AFF3: variants seen among roughly 807,000 people sequenced by gnomAD.
The protein encoded by AFF3 is AF4/FMR2 family member 3.
Under a neutral mutation model 129.7 loss-of-function variants are expected in AFF3, and 32 were observed. That is an observed-to-expected ratio of 0.25 (90% CI 0.19 to 0.33). The LOEUF is 0.33. Among genes scored for constraint, AFF3 ranks in the 10% least tolerant of loss-of-function variants. AFF3 has a pLI of 1.00. For missense variants in AFF3, 1,373 were observed against 1,592.0 expected (o/e 0.86, Z 2.34); for synonymous variants, 644 against 635.4 (o/e 1.01, Z -0.20).
chr2:99,912,544 T>C (rs567985112), intron 7 of AFF3, among the ~76,000 whole-genome samples: 1 of 152,328 alleles, frequency 6.6e-6, no homozygotes, highest in South Asian at 2.1e-4. Context: ...TGCAGTGATT[T>C]CAAAAGGTCC....
chr2:100,017,972 A>T (rs915211692), intron 4 of AFF3, among the ~76,000 whole-genome samples: 1 of 151,854 alleles, frequency 6.6e-6, no homozygotes, highest in Non-Finnish European at 1.5e-5. Flanking sequence ...TGCCTGTTTC[A>T]GTTCATTCTT....
intron 7 of AFF3, among the ~76,000 whole-genome samples, chr2:99,848,505 T>C (rs12475320): frequency 0.17 from 25,233 of 152,062 alleles, 2,219 homozygotes; most frequent in Admixed American, 0.24. Flanking sequence ...GAGTATAGAA[T>C]TGATCATAAA....
chr2:100,050,637 C>A lies in AFF3; in HGVS notation c.54-41705G>T, dbSNP rs145033316. 7.5e-3 allele frequency among the ~76,000 whole-genome samples: 1,149 copies of A among 152,298 alleles called. 18 individuals carry two copies. Among genetic ancestry groups the A allele is most frequent in the African/African-American group, 0.026 (1,098 of 41,556 alleles). On this transcript the variant is annotated intron_variant, in intron 4 of 24. Transcript: ENST00000672756. ...ATAAGGTCCACTACACAGCACTGTG[C>A]ACAAGTGTGCAAAAACACACTTTCT...
At chr2:99,716,165 G>C (rs1678363784) in intron 11 of AFF3, among the ~76,000 whole-genome samples, 1 of 152,136 alleles carries the variant, frequency 6.6e-6, no homozygotes, top group Admixed American at 6.6e-5. Context: ...GGCCTTCATG[G>C]AATCTTGGAA....
chr2:99,687,818 T>G (rs1029260953), intron 11 of AFF3, among the ~76,000 whole-genome samples: 1 of 152,218 alleles, frequency 6.6e-6, no homozygotes, highest in Admixed American at 6.5e-5. Flanking sequence ...GATACCTTTG[T>G]CACAATGAAT....
At chr2:99,644,598 G>A (rs1015475144) in intron 13 of AFF3, among the ~76,000 whole-genome samples, 4 of 152,172 alleles carry the variant, frequency 2.6e-5, no homozygotes, top group Admixed American at 2.6e-4. Flanking sequence ...TCTTAGTCCT[G>A]GCAATTGCCT....
At chr2:99,963,970 C>T (rs1055176623) in intron 7 of AFF3, among the ~76,000 whole-genome samples, 33 of 151,790 alleles carry the variant, frequency 2.2e-4, no homozygotes, top group African/African-American at 7.5e-4. Flanking sequence ...GCAGAAATGG[C>T]TATATTAATA....
At chr2:99,765,721 G>T (rs1207566214) in intron 8 of AFF3, among the ~76,000 whole-genome samples, 1 of 152,186 alleles carries the variant, frequency 6.6e-6, no homozygotes. Flanking sequence ...GGTGAGGAAA[G>T]GGGATAAATA....
chr2:99,858,616 G>A (rs934040907), intron 7 of AFF3, among the ~76,000 whole-genome samples: 10 of 152,106 alleles, frequency 6.6e-5, no homozygotes, highest in Non-Finnish European at 1.5e-5. Context: ...GGATGGGGCT[G>A]GAGGCCATTA....
At chr2:99,903,385 ACAGG>A (rs2106155995) in intron 7 of AFF3, among the ~76,000 whole-genome samples, 1 of 152,328 alleles carries the variant, frequency 6.6e-6, no homozygotes, top group African/African-American at 2.4e-5. Flanking sequence ...CTTTTTGAGT[ACAGG>A]AAGAAATAAT....
intron 12 of AFF3, among the ~76,000 whole-genome samples, chr2:99,667,922 C>T (rs1256763848): frequency 1.3e-5 from 2 of 151,560 alleles, no homozygotes; most frequent in African/African-American, 2.4e-5. Context: ...TTTGGGAGGC[C>T]GAGGCGGGTA....
At chr2:99,808,665 A>G (rs565935186) in intron 8 of AFF3, among the ~76,000 whole-genome samples, 1 of 152,196 alleles carries the variant, frequency 6.6e-6, no homozygotes, top group Non-Finnish European at 1.5e-5. Flanking sequence ...TTTAAAAAAC[A>G]AAAGAAAAAA....
At chr2:99,724,434 A>T (rs1179904840) in intron 11 of AFF3, among the ~76,000 whole-genome samples, 1 of 151,292 alleles carries the variant, frequency 6.6e-6, no homozygotes, top group Non-Finnish European at 1.5e-5. Flanking sequence ...CACCACACTC[A>T]GCTAATTTTT....
intron 8 of AFF3, among the ~76,000 whole-genome samples, chr2:99,806,612 A>T (rs1686372848): frequency 6.6e-6 from 1 of 152,212 alleles, no homozygotes; most frequent in Non-Finnish European, 1.5e-5. Flanking sequence ...CAAGTAACTT[A>T]GAACAACACT....
intron 13 of AFF3, among the ~76,000 whole-genome samples, chr2:99,609,342 T>G (rs1575496663): frequency 6.6e-6 from 1 of 152,152 alleles, no homozygotes; most frequent in African/African-American, 2.4e-5. Flanking sequence ...CCTAGCAGTA[T>G]GTACTGAGCC....
intron 8 of AFF3, among the ~76,000 whole-genome samples, chr2:99,799,448 G>GAA (rs1403955501): frequency 6.6e-6 from 1 of 151,598 alleles, no homozygotes; most frequent in Non-Finnish European, 1.5e-5. Context: ...AATAATGAAA[G>GAA]AAAAAAAGAC....
intron 8 of AFF3, among the ~76,000 whole-genome samples, chr2:99,835,013 C>T (rs1277881238): frequency 2.6e-5 from 4 of 152,262 alleles, no homozygotes; most frequent in Admixed American, 6.5e-5. Context: ...CCCAAAGGCA[C>T]GCCAAACTCA....
intron 11 of AFF3, among the ~76,000 whole-genome samples, chr2:99,723,116 T>C (rs146085576): frequency 1.1e-3 from 162 of 152,324 alleles, no homozygotes; most frequent in African/African-American, 3.8e-3. Flanking sequence ...ATCATTAATA[T>C]AACTGGAAGT....
In AFF3 at chr2:99,551,443, C is replaced by A; in HGVS notation, c.*31G>T. On this transcript the variant is annotated 3_prime_UTR_variant, in exon 25 of 25. Transcript: ENST00000672756. ...AAAACGTTGAGCCATCTGTGGAGAC[C>A]AGAGCCCACTCTGGCCCCAGGGTGA... 1 of 1,613,200 alleles carries A rather than the reference C, an allele frequency of 6.2e-7. No individual in the cohort carries two copies. Among genetic ancestry groups the A allele is most frequent in the Admixed American group, 1.7e-5 (1 of 59,962 alleles).
Sources: gnomAD v4.1 joint callset for allele counts (sites outside exome capture counted in the v4.1 genomes callset) on GRCh38, gnomAD v4.1.1 for gene constraint, MANE v1.5 for transcripts, NCBI Gene and HGNC (gene_info 2026-07-23, HGNC 2026-07-21) for gene names.